DLG2: variants seen among roughly 807,000 people sequenced by gnomAD.
The protein encoded by DLG2 is disks large homolog 2.
A neutral mutation model predicts 132.5 loss-of-function variants in DLG2; 45 were observed. The ratio of observed to expected loss-of-function variants is 0.34; its 90% CI spans 0.27 to 0.44. The LOEUF is 0.44. Ranked by LOEUF, DLG2 falls within the 20% of genes least tolerant of loss-of-function variation. The probability of loss-of-function intolerance (pLI) is 1.00; values close to 1 mark genes in which losing one functional copy is unlikely to be tolerated. For missense variants in DLG2, 1,045 were observed against 1,196.9 expected (o/e 0.87, Z 1.87); for synonymous variants, 424 against 419.6 (o/e 1.01, Z -0.13).
chr11:83,753,964 C>T lies in DLG2; in HGVS notation c.1825+32726G>A, dbSNP rs902447028. On this transcript the variant is annotated intron_variant, in intron 18 of 27. Coordinates refer to ENST00000376104, the MANE Select transcript of DLG2 (RefSeq NM_001142699.3). Reference sequence around the variant, plus strand: ...TAGCTTTAAATTATCGAATTACATGCCAAGTGAAATAGAGAAAAAAGGCAG... The same window carrying T: ...TAGCTTTAAATTATCGAATTACATGTCAAGTGAAATAGAGAAAAAAGGCAG... 4.1e-5 allele frequency among the ~76,000 whole-genome samples: 6 copies of T among 144,792 alleles called. 1 individual carries two copies. The highest frequency in any genetic ancestry group is 1.6e-4 in the African/African-American group (6 of 37,630). The allele number at this position is 144,792 out of a possible 152,430, so 95.0% of individuals were successfully genotyped here.
At chr11:83,946,919 T>C (rs931343239) in intron 14 of DLG2, among the ~76,000 whole-genome samples, 1 of 152,220 alleles carries the variant, frequency 6.6e-6, no homozygotes, top group Non-Finnish European at 1.5e-5. Flanking sequence ...TTTCCCTTAG[T>C]TCTCACAAAT....
intron 6 of DLG2, among the ~76,000 whole-genome samples, chr11:84,835,494 T>A (rs563400070): frequency 1.3e-5 from 2 of 151,848 alleles, no homozygotes; most frequent in South Asian, 4.1e-4. Flanking sequence ...AAGGTTAGCA[T>A]AATAACCAGA....
At chr11:85,320,115 C>G (rs1285455994) in intron 3 of DLG2, among the ~76,000 whole-genome samples, 9 of 151,884 alleles carry the variant, frequency 5.9e-5, no homozygotes, top group Non-Finnish European at 1.2e-4. Context: ...ATCTTATAGA[C>G]TACATCCCTC....
chr11:85,068,506 A>G (rs376018996), intron 6 of DLG2, among the ~76,000 whole-genome samples: 3 of 152,122 alleles, frequency 2.0e-5, no homozygotes, highest in Non-Finnish European at 2.9e-5. Flanking sequence ...ATACACCAAT[A>G]GCAGACAAAC....
chr11:84,286,730 A>AGTGAGGAC (rs2097913948), intron 7 of DLG2, among the ~76,000 whole-genome samples: 1 of 152,160 alleles, frequency 6.6e-6, no homozygotes, highest in Non-Finnish European at 1.5e-5. Context: ...CAAGTGTCTG[A>AGTGAGGAC]GTGAGGACAG....
chr11:84,911,798 G>A (rs544581350), intron 6 of DLG2, among the ~76,000 whole-genome samples: 72 of 152,168 alleles, frequency 4.7e-4, no homozygotes, highest in South Asian at 1.5e-3. Context: ...TGACCTCTAT[G>A]CACCAAAGAA....
intron 20 of DLG2, among the ~76,000 whole-genome samples, chr11:83,539,067 G>A (rs2141368783): frequency 6.6e-6 from 1 of 152,246 alleles, no homozygotes; most frequent in Non-Finnish European, 1.5e-5. Flanking sequence ...GTAAAATAAG[G>A]ATAATAACAG....
intron 6 of DLG2, among the ~76,000 whole-genome samples, chr11:84,627,802 T>C (rs564148820): frequency 1.3e-5 from 2 of 152,216 alleles, no homozygotes; most frequent in East Asian, 1.9e-4. Flanking sequence ...GTACTTCACA[T>C]GGTGAAAATA....
chr11:83,461,602 GCTT>G (rs1399395562), intron 27 of DLG2: 1 of 159,482 alleles, frequency 6.3e-6, no homozygotes, highest in Non-Finnish European at 1.4e-5. Flanking sequence ...ACGCCTCCAA[GCTT>G]CTTCTCAAGA....
At chr11:84,923,172 G>A in intron 6 of DLG2, 4 of 1,612,180 alleles carry the variant, frequency 2.5e-6, no homozygotes, top group Non-Finnish European at 3.4e-6. Flanking sequence ...CACAGCGCAA[G>A]CCCCACACAC....
chr11:84,363,751 C>T (rs528864519), intron 7 of DLG2, among the ~76,000 whole-genome samples: 366 of 151,608 alleles, frequency 2.4e-3, no homozygotes, highest in Admixed American at 0.01. Flanking sequence ...TTCCCAGCAC[C>T]ATTTATTAAA....
At chr11:85,083,594 A>G (rs2067525098) in intron 6 of DLG2, among the ~76,000 whole-genome samples, 1 of 152,088 alleles carries the variant, frequency 6.6e-6, no homozygotes, top group Non-Finnish European at 1.5e-5. Flanking sequence ...GTGACTTGGT[A>G]TGGAAGGTAG....
intron 7 of DLG2, among the ~76,000 whole-genome samples, chr11:84,397,508 G>C (rs2098814764): frequency 6.6e-6 from 1 of 152,180 alleles, no homozygotes. Context: ...GCCATGTCCA[G>C]GCCTCCTCAT....
At chr11:83,671,575 T>C (rs141484849) in intron 18 of DLG2, among the ~76,000 whole-genome samples, 699 of 152,302 alleles carry the variant, frequency 4.6e-3, no homozygotes, top group Admixed American at 9.9e-3. Flanking sequence ...ATTTGGGATA[T>C]AGCAAGAAAG....
At chr11:84,562,510 TA>T (rs973814810) in intron 6 of DLG2, among the ~76,000 whole-genome samples, 6 of 152,086 alleles carry the variant, frequency 3.9e-5, no homozygotes, top group African/African-American at 1.4e-4. Flanking sequence ...GCTTGAAAAT[TA>T]TACCCTGTAT....
intron 3 of DLG2, among the ~76,000 whole-genome samples, chr11:85,520,515 C>CCACACACACACACACACACA (rs3068471): frequency 1.0e-4 from 15 of 148,136 alleles, no homozygotes; most frequent in African/African-American, 3.0e-4. Context: ...GTATATGGAA[C>CCACACACACACACACACACA]CACACACACA....
At chr11:85,161,410 C>T (rs566950998) in intron 4 of DLG2, among the ~76,000 whole-genome samples, 1 of 152,286 alleles carries the variant, frequency 6.6e-6, no homozygotes, top group East Asian at 1.9e-4. Flanking sequence ...AGACCAACAC[C>T]GAGCCCTCGA....
chr11:85,549,673 C>T (rs879451597), intron 3 of DLG2, among the ~76,000 whole-genome samples: 2 of 152,128 alleles, frequency 1.3e-5, no homozygotes, highest in African/African-American at 4.8e-5. Context: ...GCACAAGATA[C>T]AGGTTACAAA....
intron 5 of DLG2, among the ~76,000 whole-genome samples, chr11:85,123,748 C>A (rs188004978): frequency 6.7e-4 from 102 of 152,228 alleles, no homozygotes; most frequent in Non-Finnish European, 1.3e-3. Flanking sequence ...AAGGTTAGCT[C>A]GAGAACTGAA....
Sources: gnomAD v4.1 joint callset for allele counts (sites outside exome capture counted in the v4.1 genomes callset) on GRCh38, gnomAD v4.1.1 for gene constraint, MANE v1.5 for transcripts, NCBI Gene and HGNC (gene_info 2026-07-23, HGNC 2026-07-21) for gene names.